RSRC1: variants seen among roughly 807,000 people sequenced by gnomAD.
RSRC1 encodes the protein serine/Arginine-related protein 53.
Under a neutral mutation model 49.1 loss-of-function variants are expected in RSRC1, and 39 were observed. The ratio of observed to expected loss-of-function variants is 0.79; its 90% confidence interval spans 0.61 to 1.04. The LOEUF (loss-of-function observed/expected upper bound fraction) is 1.04. Ranked by LOEUF, RSRC1 falls within the 50% of genes least tolerant of loss-of-function variation. The pLI is 0.00. For synonymous variants in RSRC1, 143 were observed against 130.8 expected (o/e 1.09, Z -0.63); for missense variants, 388 against 402.4 (o/e 0.96, Z 0.31).
At chr3:158,253,572 A>G (rs757608104) in intron 4 of RSRC1, among the ~76,000 whole-genome samples, 47 of 152,194 alleles carry the variant, frequency 3.1e-4, no homozygotes, top group Admixed American at 1.1e-3. Context: ...GTGAATATCA[A>G]TTAGGTCCGT....
At chr3:158,449,186 T>C (rs1244554977) in intron 6 of RSRC1, among the ~76,000 whole-genome samples, 1 of 151,822 alleles carries the variant, frequency 6.6e-6, no homozygotes, top group South Asian at 2.1e-4. Context: ...ATTTCTAGAC[T>C]TGAGAAAAAT....
chr3:158,321,616 G>C (rs1419977013), intron 5 of RSRC1, among the ~76,000 whole-genome samples: 2 of 149,922 alleles, frequency 1.3e-5, no homozygotes, highest in African/African-American at 4.9e-5. Flanking sequence ...ATGAGTGATA[G>C]TCTGACTGTA....
intron 5 of RSRC1, among the ~76,000 whole-genome samples, chr3:158,330,589 A>G (rs1187574663): frequency 6.6e-6 from 1 of 152,136 alleles, no homozygotes; most frequent in Non-Finnish European, 1.5e-5. Flanking sequence ...TGACCTAACT[A>G]GTTCTTTATT....
intron 6 of RSRC1, among the ~76,000 whole-genome samples, chr3:158,454,808 C>A (rs550346252): frequency 3.4e-4 from 52 of 152,216 alleles, no homozygotes; most frequent in Middle Eastern, 3.4e-3. Context: ...TCCCTGTAAT[C>A]CTGTCATTTC....
intron 3 of RSRC1, among the ~76,000 whole-genome samples, chr3:158,195,859 C>T (rs1383899409): frequency 1.3e-5 from 2 of 151,904 alleles, no homozygotes; most frequent in Non-Finnish European, 2.9e-5. Context: ...TGATCTATAT[C>T]TCTGTTTTGG....
At chr3:158,454,556 A>G (rs1331813637) in intron 6 of RSRC1, among the ~76,000 whole-genome samples, 1 of 152,102 alleles carries the variant, frequency 6.6e-6, no homozygotes, top group African/African-American at 2.4e-5. Context: ...TTCTCTTTTG[A>G]TGGTCAAAAT....
intron 6 of RSRC1, among the ~76,000 whole-genome samples, chr3:158,432,402 C>A (rs1560040445): frequency 6.6e-6 from 1 of 151,846 alleles, no homozygotes; most frequent in Non-Finnish European, 1.5e-5. Context: ...ATAAGAGAGT[C>A]TATGGGGAGT....
At chr3:158,308,227 T>C (rs1402291864) in intron 5 of RSRC1, among the ~76,000 whole-genome samples, 1 of 152,012 alleles carries the variant, frequency 6.6e-6, no homozygotes, top group Non-Finnish European at 1.5e-5. Context: ...ATTGTGCTTG[T>C]AGATGTTGTT....
At chr3:158,282,607 C>G (rs1001605470) in intron 4 of RSRC1, among the ~76,000 whole-genome samples, 1 of 152,124 alleles carries the variant, frequency 6.6e-6, no homozygotes, top group Non-Finnish European at 1.5e-5. Context: ...AAGATCTTAG[C>G]GCTTACCCAT....
At chr3:158,206,938 C>T (rs1360647961) in intron 4 of RSRC1, among the ~76,000 whole-genome samples, 3 of 152,030 alleles carry the variant, frequency 2.0e-5, no homozygotes, top group African/African-American at 7.2e-5. Context: ...AAGCATCTAA[C>T]ATTTTAAATG....
At position 158,299,498 on chromosome 3, in the gene RSRC1, A is replaced by AT. The variant is rs568773747; in HGVS notation, c.531+1430dup. On this transcript the variant is annotated intron_variant, in intron 5 of 9. Transcript: ENST00000611884. Reference sequence around the variant, plus strand: ...CAGGTGCCCGTCACCACACTCAGCTATTTTTTTGTGTGTTTTTAGTAGAGA... The same window carrying AT: ...CAGGTGCCCGTCACCACACTCAGCTATTTTTTTTGTGTGTTTTTAGTAGAGA... 3.7e-3 allele frequency among the ~76,000 whole-genome samples: 566 copies of AT among 151,360 alleles called. 7 individuals are homozygous for AT. Among genetic ancestry groups the AT allele is most frequent in the Middle Eastern group, 6.8e-3 (2 of 292 alleles).
intron 7 of RSRC1, among the ~76,000 whole-genome samples, chr3:158,500,287 T>C (rs1465577547): frequency 1.3e-5 from 2 of 152,224 alleles, no homozygotes; most frequent in African/African-American, 2.4e-5. Flanking sequence ...TTAAGCATTT[T>C]AGCATCTATG....
chr3:158,212,964 G>C (rs2108290284), intron 4 of RSRC1, among the ~76,000 whole-genome samples: 1 of 152,004 alleles, frequency 6.6e-6, no homozygotes, highest in South Asian at 2.1e-4. Context: ...TTTCTCCCCA[G>C]TCTAGTGATC....
chr3:158,361,017 C>T (rs948176497), intron 6 of RSRC1, among the ~76,000 whole-genome samples: 7 of 152,186 alleles, frequency 4.6e-5, no homozygotes, highest in Admixed American at 1.3e-4. Context: ...CGCAAGCTCC[C>T]CCTGTGGCCC....
At chr3:158,175,365 T>C (rs573922569) in intron 3 of RSRC1, among the ~76,000 whole-genome samples, 4 of 152,138 alleles carry the variant, frequency 2.6e-5, no homozygotes, top group South Asian at 4.1e-4. Flanking sequence ...TTTTTGTGTT[T>C]GTTAAAATCA....
At chr3:158,318,407 T>A (rs778574367) in intron 5 of RSRC1, among the ~76,000 whole-genome samples, 3 of 152,236 alleles carry the variant, frequency 2.0e-5, no homozygotes, top group Non-Finnish European at 4.4e-5. Flanking sequence ...TTTTCCCTAC[T>A]GTTTAGTTTG....
intron 6 of RSRC1, among the ~76,000 whole-genome samples, chr3:158,416,524 A>G (rs1232908178): frequency 2.0e-5 from 3 of 151,996 alleles, no homozygotes; most frequent in African/African-American, 4.8e-5. Flanking sequence ...TGACAGCTCC[A>G]CTGAATCCCC....
rs1293060307 is a variant in RSRC1 at position 158,442,797 on chromosome 3, T to G, written c.584-18138T>G. On this transcript the variant is annotated intron_variant, in intron 6 of 9. Transcript: ENST00000611884. ...ACATTTTATAGGGCTATAGCTGCCA[T>G]AGCCCTAGAAAATGTATTTCTTAAA... 3.3e-5 allele frequency among the ~76,000 whole-genome samples: 5 copies of G among 152,058 alleles called. No individual in the cohort carries two copies. The East Asian group carries it at 9.7e-4, about 29-fold the overall frequency.
intron 6 of RSRC1, among the ~76,000 whole-genome samples, chr3:158,403,250 T>G (rs1467071556): frequency 6.6e-6 from 1 of 151,842 alleles, no homozygotes; most frequent in Non-Finnish European, 1.5e-5. Flanking sequence ...TTTCTCTCAA[T>G]GAGATTTTCC....
Sources: allele counts gnomAD v4.1 joint callset (sites outside exome capture counted in the v4.1 genomes callset), GRCh38; gene constraint gnomAD v4.1.1; transcripts MANE v1.5; gene names NCBI Gene and HGNC (gene_info 2026-07-23, HGNC 2026-07-21).